The following MAPKAPK2 variants were observed in gnomAD, a reference collection of about 807,000 sequenced individuals.
MAPKAPK2 encodes the protein MAPK activated protein kinase 2.
MAPKAPK2 carries 9 observed loss-of-function variants against 48.8 expected under a neutral mutation model. The observed-to-expected ratio is 0.18, with a 90% CI of 0.11 to 0.32. The LOEUF is 0.32. MAPKAPK2 is among the 10% of genes least tolerant of loss of function. MAPKAPK2 has a pLI of 1.00. For missense variants in MAPKAPK2, 331 were observed against 498.3 expected (o/e 0.66, Z 3.20); for synonymous variants, 202 against 190.6 (o/e 1.06, Z -0.49).
Position 206,685,210 on chromosome 1 carries a change from CCCCGG to C in MAPKAPK2, c.-18_-14del. ...GCGGCCGCGGGCACCCCCGCCTGTG[CCCCGG>C]CGTCCCCGGGCACCATGCTGTCCAA... On this transcript the variant is annotated 5_prime_UTR_variant, in exon 1 of 10. Transcript: ENST00000367103. The C allele has an allele frequency of 2.7e-6, 1 of 367,424 alleles. No homozygotes were observed. Among genetic ancestry groups the C allele is most frequent in the Non-Finnish European group, 4.6e-6 (1 of 216,722 alleles). 22.8% of individuals were successfully genotyped at this position (367,424 alleles called of 1,614,324 possible).
chr1:206,695,232 G>T (rs979190472), intron 1 of MAPKAPK2, among the ~76,000 whole-genome samples: 5 of 152,162 alleles, frequency 3.3e-5, no homozygotes, highest in African/African-American at 1.2e-4. Context: ...AGAGTAGTAG[G>T]GGGTGGGATG....
Position 206,730,880 on chromosome 1 carries a change from C to T in MAPKAPK2, c.767+117C>T, listed in dbSNP as rs115599172. On this transcript the variant is annotated intron_variant, in intron 6 of 9. Transcript: ENST00000367103. ...CCCCTTTGTACAGGGGAGTCCCCTG[C>T]GTGCCCCTTCTCTCAGTTCCGATAG... 3.9e-3 allele frequency: 4,425 copies of T among 1,122,964 alleles called. 35 individuals carry two copies. The highest frequency in any genetic ancestry group is 0.025 in the African/African-American group (1,665 of 65,590). The allele number at this position is 1,122,964 out of a possible 1,614,324, so 69.6% of individuals were successfully genotyped here.
chr1:206,700,882 A>G (rs1672773372), intron 1 of MAPKAPK2, among the ~76,000 whole-genome samples: 1 of 152,146 alleles, frequency 6.6e-6, no homozygotes, highest in African/African-American at 2.4e-5. Context: ...GGAAGCTGGG[A>G]AATGGCACCA....
At chr1:206,695,318 G>A (rs1052498558) in intron 1 of MAPKAPK2, among the ~76,000 whole-genome samples, 4 of 152,094 alleles carry the variant, frequency 2.6e-5, no homozygotes, top group African/African-American at 7.2e-5. Flanking sequence ...ATTCTTCGGC[G>A]TGCAGTGGGG....
At chr1:206,725,028 A>G (rs1303728243) in intron 1 of MAPKAPK2, among the ~76,000 whole-genome samples, 1 of 151,802 alleles carries the variant, frequency 6.6e-6, no homozygotes, top group Non-Finnish European at 1.5e-5. Context: ...TGCATGACAC[A>G]AGCTAGGAAG....
At chr1:206,708,988 C>T (rs571332023) in intron 1 of MAPKAPK2, among the ~76,000 whole-genome samples, 1 of 152,328 alleles carries the variant, frequency 6.6e-6, no homozygotes, top group South Asian at 2.1e-4. Flanking sequence ...CTCCATTCCC[C>T]TGTTGATGGA....
At chr1:206,695,887 C>T (rs1433707867) in intron 1 of MAPKAPK2, 12 of 581,958 alleles carry the variant, frequency 2.1e-5, no homozygotes, top group Non-Finnish European at 3.4e-5. Context: ...TTGGGAGTGA[C>T]GTCCTCAATC....
At chr1:206,722,221 G>A (rs781968581) in intron 1 of MAPKAPK2, among the ~76,000 whole-genome samples, 11 of 151,794 alleles carry the variant, frequency 7.2e-5, no homozygotes, top group East Asian at 1.9e-4. Context: ...TTAGCCAGGC[G>A]TGGTGGTGGG....
intron 1 of MAPKAPK2, among the ~76,000 whole-genome samples, chr1:206,685,728 C>A (rs1165185066): frequency 6.6e-5 from 10 of 150,932 alleles, no homozygotes; most frequent in African/African-American, 2.2e-4. Context: ...CGGGCGGGAG[C>A]CCTGGGACCC....
intron 1 of MAPKAPK2, among the ~76,000 whole-genome samples, chr1:206,701,830 C>CAAAAAAAAA (rs1553427942): frequency 1.5e-4 from 12 of 80,206 alleles, no homozygotes; most frequent in Non-Finnish European, 2.0e-4. Context: ...GACCCTGTCT[C>CAAAAAAAAA]TAAAAAAAAA....
intron 1 of MAPKAPK2, among the ~76,000 whole-genome samples, chr1:206,723,491 C>T (rs782741998): frequency 6.6e-6 from 1 of 152,200 alleles, no homozygotes; most frequent in Non-Finnish European, 1.5e-5. Context: ...AAACTTTTCC[C>T]AGTTCACATA....
intron 1 of MAPKAPK2, among the ~76,000 whole-genome samples, chr1:206,712,673 G>A (rs1673192357): frequency 6.6e-6 from 1 of 151,930 alleles, no homozygotes; most frequent in Non-Finnish European, 1.5e-5. Flanking sequence ...TTAATACTAG[G>A]CAAAGCCAGT....
chr1:206,716,460 G>A (rs1406100630), intron 1 of MAPKAPK2, among the ~76,000 whole-genome samples: 3 of 152,086 alleles, frequency 2.0e-5, no homozygotes, highest in Non-Finnish European at 2.9e-5. Context: ...CCAGTCTTAG[G>A]CGTGTGGAAT....
chr1:206,718,312 A>G (rs1197724968), intron 1 of MAPKAPK2, among the ~76,000 whole-genome samples: 1 of 152,192 alleles, frequency 6.6e-6, no homozygotes, highest in Non-Finnish European at 1.5e-5. Context: ...CGGGCAGATC[A>G]CGAGGTCAGG....
In MAPKAPK2 at chr1:206,732,168, C is replaced by A; in HGVS notation, c.1059+249C>A. 1 of 1,605,934 alleles carries A rather than the reference C, an allele frequency of 6.2e-7. No homozygotes were observed. Among genetic ancestry groups the A allele is most frequent in the Non-Finnish European group, 8.5e-7 (1 of 1,173,354 alleles). ...TTTATTCCCTGGGTCTCTAATGGGACCTTAAAGACCATCTGGTATCATCTT... is the reference window on the plus strand; with the variant it reads ...TTTATTCCCTGGGTCTCTAATGGGAACTTAAAGACCATCTGGTATCATCTT... On this transcript the variant is annotated intron_variant, in intron 9 of 9. Coordinates refer to ENST00000367103, the MANE Select transcript of MAPKAPK2 (RefSeq NM_032960.4). The surrounding 1 kb of genome is among the most constrained non-coding windows in gnomAD (Gnocchi z 4.4).
At chr1:206,714,832 T>C (rs149500313) in intron 1 of MAPKAPK2, among the ~76,000 whole-genome samples, 2 of 152,190 alleles carry the variant, frequency 1.3e-5, no homozygotes, top group Admixed American at 1.3e-4. Flanking sequence ...CATAGTTTAT[T>C]AACAGTTTTG....
chr1:206,711,607 CTTTT>C (rs781793889), intron 1 of MAPKAPK2, among the ~76,000 whole-genome samples: 3 of 115,504 alleles, frequency 2.6e-5, no homozygotes, highest in African/African-American at 6.6e-5. Context: ...CTACCTCATT[CTTTT>C]TTTTTTTTTT....
intron 1 of MAPKAPK2, among the ~76,000 whole-genome samples, chr1:206,694,001 C>T (rs1672536738): frequency 6.6e-6 from 1 of 152,204 alleles, no homozygotes; most frequent in Non-Finnish European, 1.5e-5. Context: ...GGTGTGGCCT[C>T]TTCCTCTACT....
At chr1:206,729,826 C>T in intron 4 of MAPKAPK2, 146 bp from the exon 5 acceptor site, 2 of 959,790 alleles carry the variant, frequency 2.1e-6, no homozygotes, top group South Asian at 3.2e-5. Context: ...CCATAGAGAG[C>T]TGCCACTCCT....
Sources: allele counts gnomAD v4.1 joint callset (sites outside exome capture counted in the v4.1 genomes callset), GRCh38; gene constraint gnomAD v4.1.1; non-coding constraint Gnocchi (gnomAD v3.1); transcripts MANE v1.5; gene names NCBI Gene and HGNC (gene_info 2026-07-23, HGNC 2026-07-21).